Variants in AP3D1 observed in about 807,000 individuals in gnomAD.
The protein encoded by AP3D1 is adaptor related protein complex 3 subunit delta 1.
Under a neutral mutation model 147.6 loss-of-function variants are expected in AP3D1, and 51 were observed. The ratio of observed to expected loss-of-function variants is 0.35; its 90% CI spans 0.28 to 0.44. AP3D1 has a LOEUF of 0.44. AP3D1 is among the 20% of genes least tolerant of loss of function. AP3D1 has a pLI of 1.00. For missense variants in AP3D1, 1,421 were observed against 1,624.2 expected, an observed-to-expected ratio of 0.87 and a Z score of 2.15; for synonymous variants, 760 against 663.0, an observed-to-expected ratio of 1.15 and a Z score of -2.25.
chr19:2,130,832 AGGGTGTGCT>A (rs1231532407), intron 5 of AP3D1, among the ~76,000 whole-genome samples: 1 of 152,250 alleles, frequency 6.6e-6, no homozygotes, highest in African/African-American at 2.4e-5. Flanking sequence ...ACAGGGAACG[AGGGTGTGCT>A]GGGAACACAG....
At chr19:2,118,024 G>C (rs1248790316) in intron 15 of AP3D1, among the ~76,000 whole-genome samples, 1 of 152,156 alleles carries the variant, frequency 6.6e-6, no homozygotes, top group Non-Finnish European at 1.5e-5. Context: ...GCCGGGCGTG[G>C]TGGCGGGTAC....
chr19:2,102,412 G>A (rs547359502), intron 31 of AP3D1, 144 bp from the exon 32 acceptor site: 8 of 656,810 alleles, frequency 1.2e-5, no homozygotes, highest in African/African-American at 3.6e-5. Flanking sequence ...TGGTCAACAC[G>A]GTGAAACCCT....
chr19:2,136,292 G>C (rs1051040195), intron 4 of AP3D1, among the ~76,000 whole-genome samples: 2 of 152,238 alleles, frequency 1.3e-5, no homozygotes, highest in Non-Finnish European at 2.9e-5. Context: ...GGCGTGCTGG[G>C]AGCCCCCAGC....
chr19:2,140,815 G>A (rs2019201388), intron 1 of AP3D1, among the ~76,000 whole-genome samples: 1 of 142,924 alleles, frequency 7.0e-6, no homozygotes, highest in African/African-American at 2.6e-5. Flanking sequence ...CTGGAGTGCA[G>A]TGGCACAATC....
At chr19:2,121,622 G>C in intron 12 of AP3D1, 112 bp downstream of exon 12, 1 of 1,395,150 alleles carries the variant, frequency 7.2e-7, no homozygotes, top group East Asian at 2.4e-5. Flanking sequence ...CACACTAACT[G>C]ATGGCCGAGT....
At chr19:2,133,984 T>A (rs1205919701) in intron 4 of AP3D1, among the ~76,000 whole-genome samples, 9 of 151,922 alleles carry the variant, frequency 5.9e-5, no homozygotes, top group Non-Finnish European at 5.9e-5. Flanking sequence ...GGTGCACACT[T>A]GTAGTTCCAG....
chr19:2,101,881 T>A lies in AP3D1; in HGVS notation c.*292A>T, dbSNP rs901346870. The A allele has an allele frequency of 1.3e-5, 5 of 394,396 alleles. No homozygotes were observed. The highest frequency in any genetic ancestry group is 2.1e-5 in the African/African-American group (1 of 47,252). The allele number at this position is 394,396 out of a possible 1,614,324, so 24.4% of individuals were successfully genotyped here. A position where few individuals can be genotyped will look rare whatever the true frequency, so the allele number is the denominator to read the frequency against. On this transcript the variant is annotated 3_prime_UTR_variant, in exon 32 of 32. Coordinates refer to ENST00000643116, the MANE Select transcript of AP3D1 (RefSeq NM_001261826.3). ...AGCCCCTGAAGCCACATTCAAGGAC[T>A]CGGCCCCCAGCGCGGGGCAGGGCAC...
chr19:2,129,220 G>A, intron 7 of AP3D1, 57 bp from the exon 8 acceptor site: 4 of 1,609,072 alleles, frequency 2.5e-6, no homozygotes, highest in Non-Finnish European at 3.4e-6. Context: ...CAGGGTGAGG[G>A]ACAGGGGGGG....
chr19:2,118,517 G>A (rs534214032), intron 15 of AP3D1, 84 bp downstream of exon 15: 1 of 1,280,416 alleles, frequency 7.8e-7, no homozygotes, highest in Non-Finnish European at 1.1e-6. Context: ...GAGGAAGCGA[G>A]GCCCCGTCGA....
chr19:2,123,754 G>A, intron 10 of AP3D1, 76 bp downstream of exon 10: 1 of 1,517,336 alleles, frequency 6.6e-7, no homozygotes, highest in Non-Finnish European at 8.9e-7. Context: ...TCACAGGGTG[G>A]GCAAGCTCCC....
intron 12 of AP3D1, among the ~76,000 whole-genome samples, 193 bp from the exon 13 acceptor site, chr19:2,121,504 A>G (rs2018610554): frequency 6.6e-6 from 1 of 152,160 alleles, no homozygotes. Context: ...GCCAGGGAGC[A>G]ACAACTGGCC....
intron 1 of AP3D1, among the ~76,000 whole-genome samples, chr19:2,158,999 A>T (rs920078653): frequency 7.4e-6 from 1 of 134,306 alleles, no homozygotes. Flanking sequence ...TTTCTGTTAT[A>T]ATTTTTTTTT....
At chr19:2,112,097 C>T (rs1182642709) in intron 24 of AP3D1, 1 of 528,174 alleles carries the variant, frequency 1.9e-6, no homozygotes, top group Non-Finnish European at 3.4e-6. Flanking sequence ...CAGGGCAAAC[C>T]AGTGAGGACA....
intron 16 of AP3D1, 77 bp from the exon 17 acceptor site, chr19:2,116,823 C>T (rs931163737): frequency 2.0e-6 from 3 of 1,478,412 alleles, no homozygotes; most frequent in African/African-American, 2.8e-5. Flanking sequence ...TGAGCAGGCT[C>T]ACCACGTGCC....
chr19:2,136,966 C>T lies in AP3D1; in HGVS notation c.354+45G>A, dbSNP rs1012127966. The T allele has an allele frequency of 7.2e-6, 11 of 1,522,990 alleles. No homozygotes were observed. In the Admixed American group the frequency reaches 9.7e-5, roughly 13 times the overall value. The allele number at this position is 1,522,990 out of a possible 1,614,324, so 94.3% of individuals were successfully genotyped here. A position where few individuals can be genotyped will look rare whatever the true frequency, so the allele number is the denominator to read the frequency against. On this transcript the variant is annotated intron_variant, in intron 4 of 31. Transcript: ENST00000643116. ...TGGGAACCAGACGCTCCGGCAAGGG[C>T]AGACTGCACTCAGCACAGAGCGGCC... is the stretch of plus-strand genomic sequence containing the variant.
intron 31 of AP3D1, among the ~76,000 whole-genome samples, chr19:2,104,439 G>T (rs2018051682): frequency 6.6e-6 from 1 of 150,504 alleles, no homozygotes; most frequent in South Asian, 2.1e-4. Context: ...CCAACTCCAA[G>T]ATGCCAACAC....
At chr19:2,116,112 T>C (rs534859400) in intron 18 of AP3D1, 95 bp downstream of exon 18, 2 of 1,276,320 alleles carry the variant, frequency 1.6e-6, no homozygotes, top group South Asian at 2.5e-5. Flanking sequence ...TCCCAGGATC[T>C]TCCTGAGGGA....
At chr19:2,105,732 G>C (rs1308321611) in intron 31 of AP3D1, among the ~76,000 whole-genome samples, 1 of 152,096 alleles carries the variant, frequency 6.6e-6, no homozygotes, top group African/African-American at 2.4e-5. Flanking sequence ...AGCTGGTCTC[G>C]GCAGGGAGGA....
intron 5 of AP3D1, 112 bp from the exon 6 acceptor site, chr19:2,130,649 G>A (rs1025410423): frequency 6.7e-7 from 1 of 1,502,628 alleles, no homozygotes; most frequent in Non-Finnish European, 9.0e-7. Flanking sequence ...CCGACGCTGT[G>A]GCTGCACACC....
Sources: allele counts gnomAD v4.1 joint callset (sites outside exome capture counted in the v4.1 genomes callset), GRCh38; gene constraint gnomAD v4.1.1; transcripts MANE v1.5; gene names NCBI Gene and HGNC (gene_info 2026-07-23, HGNC 2026-07-21).